The following NEK10 variants were observed in gnomAD, a reference collection of about 807,000 sequenced individuals.
NEK10 encodes the protein serine/threonine-protein kinase Nek10.
A neutral mutation model predicts 159.8 loss-of-function variants in NEK10; 122 were observed. The ratio of observed to expected loss-of-function variants is 0.76; its 90% CI spans 0.66 to 0.89. The LOEUF (loss-of-function observed/expected upper bound fraction) is 0.89. Among genes scored for constraint, NEK10 ranks in the 40% least tolerant of loss-of-function variants. The pLI, the probability that NEK10 is intolerant of heterozygous loss-of-function variation, is 0.00. For synonymous variants in NEK10, 466 were observed against 457.1 expected, an observed-to-expected ratio of 1.02 and a Z score of -0.25; for missense variants, 1,342 against 1,323.1, an observed-to-expected ratio of 1.01 and a Z score of -0.22.
At chr3:27,333,847 A>C (rs2046606041) in intron 5 of NEK10, among the ~76,000 whole-genome samples, 1 of 152,176 alleles carries the variant, frequency 6.6e-6, no homozygotes, top group African/African-American at 2.4e-5. Flanking sequence ...CTTAGGAACA[A>C]GCAACCATGG....
At chr3:27,332,663 C>A (rs2046507136) in intron 5 of NEK10, among the ~76,000 whole-genome samples, 1 of 152,170 alleles carries the variant, frequency 6.6e-6, no homozygotes, top group South Asian at 2.1e-4. Context: ...AATGGACTAA[C>A]AAAGAGGAAT....
chr3:27,120,392 C>T (rs1208600844), intron 32 of NEK10, among the ~76,000 whole-genome samples: 3 of 151,324 alleles, frequency 2.0e-5, no homozygotes, highest in South Asian at 2.1e-4. Context: ...GGCACAATCT[C>T]GGCTCACTGC....
intron 32 of NEK10, among the ~76,000 whole-genome samples, 177 bp downstream of exon 32, chr3:27,131,703 G>C (rs998458062): frequency 1.3e-5 from 2 of 151,988 alleles, no homozygotes; most frequent in Admixed American, 1.3e-4. Context: ...AAAAATAAGG[G>C]CCACGGAAAT....
chr3:27,277,085 T>A (rs1009127620), intron 22 of NEK10, among the ~76,000 whole-genome samples: 1 of 151,690 alleles, frequency 6.6e-6, no homozygotes, highest in Non-Finnish European at 1.5e-5. Context: ...GAGAAGACAA[T>A]TTTTTTTTCT....
intron 22 of NEK10, among the ~76,000 whole-genome samples, chr3:27,263,826 G>A (rs1012631885): frequency 6.6e-6 from 1 of 152,092 alleles, no homozygotes. Flanking sequence ...CCACTGTCCT[G>A]CACCCACTTT....
At chr3:27,326,634 T>C (rs1449986796) in intron 5 of NEK10, among the ~76,000 whole-genome samples, 3 of 152,210 alleles carry the variant, frequency 2.0e-5, no homozygotes, top group Non-Finnish European at 4.4e-5. Context: ...AAATGAAGAG[T>C]TCCAGAAAAA....
At chr3:27,255,287 C>A in intron 23 of NEK10, 1 of 435,600 alleles carries the variant, frequency 2.3e-6, no homozygotes, top group South Asian at 1.7e-5. Context: ...AGTTTCTTTG[C>A]ATCTTCTCAT....
intron 30 of NEK10, among the ~76,000 whole-genome samples, chr3:27,141,906 A>C (rs1270249640): frequency 6.6e-6 from 1 of 152,174 alleles, no homozygotes; most frequent in Non-Finnish European, 1.5e-5. Context: ...GCCACTGAAA[A>C]GCCAGGCTTC....
At position 27,132,646 on chromosome 3, in the gene NEK10, A is replaced by G. The variant is rs139440716; in HGVS notation, c.2971-656T>C. The stretch of plus-strand genomic sequence containing the variant: ...AACAAAAAAAATGGGGATTAAAAAA[A>G]TGATTTGTCATGCTTTGTAGGTTGG... On this transcript the variant is annotated intron_variant, in intron 31 of 35. Coordinates refer to ENST00000691995, the MANE Select transcript of NEK10 (RefSeq NM_001394966.1). Among the ~76,000 whole-genome samples, 241 of 152,356 alleles carry G rather than the reference A, an allele frequency of 1.6e-3. 1 individual carries two copies. The highest frequency in any genetic ancestry group is 6.2e-4 in the Non-Finnish European group (42 of 68,040).
At chr3:27,119,109 C>A (rs765580898) in intron 33 of NEK10, among the ~76,000 whole-genome samples, 10 of 152,132 alleles carry the variant, frequency 6.6e-5, no homozygotes, top group Non-Finnish European at 1.2e-4. Context: ...TATGCTGAGC[C>A]CCTACTAATA....
At chr3:27,328,451 T>C (rs1274989571) in intron 5 of NEK10, among the ~76,000 whole-genome samples, 1 of 152,212 alleles carries the variant, frequency 6.6e-6, no homozygotes, top group African/African-American at 2.4e-5. Context: ...TTGATCCATA[T>C]GGATGTCTAG....
intron 32 of NEK10, among the ~76,000 whole-genome samples, chr3:27,122,140 G>A (rs542006816): frequency 8.3e-4 from 126 of 152,046 alleles, no homozygotes; most frequent in Non-Finnish European, 1.2e-3. Flanking sequence ...GGATCATGGG[G>A]GTGGTTTCCC....
chr3:27,225,541 T>G (rs1280288169), intron 23 of NEK10, among the ~76,000 whole-genome samples: 2 of 152,204 alleles, frequency 1.3e-5, no homozygotes, highest in Non-Finnish European at 2.9e-5. Context: ...AAAGTTCATT[T>G]ACACAGGAAA....
intron 6 of NEK10, among the ~76,000 whole-genome samples, chr3:27,316,790 G>A (rs73821950): frequency 4.7e-5 from 7 of 150,158 alleles, no homozygotes; most frequent in Non-Finnish European, 7.4e-5. Flanking sequence ...AAAGAAAAAA[G>A]AAAAAAAAAG....
At chr3:27,184,970 A>T (rs1172859489) in intron 26 of NEK10, among the ~76,000 whole-genome samples, 1 of 152,200 alleles carries the variant, frequency 6.6e-6, no homozygotes, top group Non-Finnish European at 1.5e-5. Flanking sequence ...GCATTAAAAA[A>T]ATGAGAATCT....
intron 23 of NEK10, among the ~76,000 whole-genome samples, chr3:27,227,912 T>C (rs1400192617): frequency 2.0e-5 from 3 of 152,194 alleles, no homozygotes; most frequent in African/African-American, 4.8e-5. Flanking sequence ...TAAAAACTGC[T>C]TTGTCGAAAA....
Position 27,107,816 on chromosome 3 carries a change from T to C in NEK10, c.*3456A>G, listed in dbSNP as rs189400997. Among the ~76,000 whole-genome samples the C allele has an allele frequency of 2.0e-5, 3 of 152,200 alleles. No individual in the cohort carries two copies. The highest frequency in any genetic ancestry group is 7.2e-5 in the African/African-American group (3 of 41,528). ...ATGATGAAAGTTCCTTAAAAAGAAG[T>C]TTTTCCTGCCTTCAGACAGGAGCTA... On this transcript the variant is annotated 3_prime_UTR_variant, in exon 36 of 36. Transcript: ENST00000691995.
At chr3:27,123,062 T>C (rs7652019) in intron 32 of NEK10, among the ~76,000 whole-genome samples, 4,071 of 152,334 alleles carry the variant, frequency 0.027, 178 homozygotes, top group African/African-American at 0.092. Flanking sequence ...GTTCAGTTTC[T>C]AGATATACAC....
intron 22 of NEK10, among the ~76,000 whole-genome samples, chr3:27,262,463 A>G (rs6771664): frequency 0.26 from 39,094 of 152,074 alleles, 5,192 homozygotes; most frequent in Middle Eastern, 0.38. Context: ...TCACTTTCAG[A>G]TACACCAATC....
Sources: gnomAD v4.1 joint callset for allele counts (sites outside exome capture counted in the v4.1 genomes callset) on GRCh38, gnomAD v4.1.1 for gene constraint, MANE v1.5 for transcripts, NCBI Gene and HGNC (gene_info 2026-07-23, HGNC 2026-07-21) for gene names.